The following CFAP54 variants were observed in gnomAD, a reference collection of about 807,000 sequenced individuals.
The protein encoded by CFAP54 is cilia- and flagella-associated protein 54.
CFAP54 carries 290 observed loss-of-function variants against 370.4 expected under a neutral mutation model. The ratio of observed to expected loss-of-function variants is 0.78; its 90% CI spans 0.71 to 0.86. CFAP54 has a LOEUF of 0.86. Among genes scored for constraint, CFAP54 ranks in the 40% least tolerant of loss-of-function variants. CFAP54 has a pLI of 0.00. For synonymous variants in CFAP54, 1,206 were observed against 1,236.5 expected, an observed-to-expected ratio of 0.98 and a Z score of 0.52; for missense variants, 3,399 against 3,528.7, an observed-to-expected ratio of 0.96 and a Z score of 0.93.
chr12:96,535,732 G>A (rs550178949), intron 12 of CFAP54, 132 bp downstream of exon 12: 31 of 518,790 alleles, frequency 6.0e-5, no homozygotes, highest in African/African-American at 5.8e-4. Flanking sequence ...TTAGCATATA[G>A]GATTAAGTTA....
chr12:96,508,546 A>G (rs1490715249), intron 4 of CFAP54, among the ~76,000 whole-genome samples: 1 of 150,934 alleles, frequency 6.6e-6, no homozygotes, highest in African/African-American at 2.4e-5. Context: ...TCCACCTCCC[A>G]AAGTGCTGGA....
chr12:96,824,170 T>C (rs2136746100), intron 65 of CFAP54, among the ~76,000 whole-genome samples: 1 of 152,284 alleles, frequency 6.6e-6, no homozygotes, highest in Middle Eastern at 3.4e-3. Context: ...GCTTTCTGGC[T>C]GGGACAGGCG....
Position 96,533,933 on chromosome 12 carries a change from T to G in CFAP54, c.1499T>G (p.Leu500Ter). Residue 500 changes from leucine (L) to a stop codon, truncating the protein, a stop_gained, in exon 10 of 68, where the codon TTA (leucine) becomes TGA (stop). Coordinates refer to ENST00000524981, the MANE Select transcript of CFAP54 (RefSeq NM_001306084.2). LOFTEE classifies it high-confidence loss of function. ...KLAFTYEEWS[L>*]FESSAVHLIY... ...GCTTTTACCTATGAGGAGTGGAGTT[T>G]ATTTGAATCTTCTGCTGTACATCTT... 6.5e-7 allele frequency: 1 copy of G among 1,531,900 alleles called. No homozygotes were observed. Among genetic ancestry groups the G allele is most frequent in the Non-Finnish European group, 8.7e-7 (1 of 1,145,644 alleles). The allele number at this position is 1,531,900 out of a possible 1,614,324, so 94.9% of individuals were successfully genotyped here.
At chr12:96,647,134 TA>T (rs1275934024) in intron 33 of CFAP54, 1 of 151,914 alleles carries the variant, frequency 6.6e-6, no homozygotes, top group African/African-American at 2.4e-5. Flanking sequence ...ATAAACTATT[TA>T]TTTTTTTTGA....
Position 96,795,761 on chromosome 12 carries a change from C to T in CFAP54, c.8850+3262C>T, listed in dbSNP as rs192924004. Among the ~76,000 whole-genome samples the T allele has an allele frequency of 4.5e-3, 689 of 152,256 alleles. 2 individuals are homozygous for T. Among genetic ancestry groups the T allele is most frequent in the African/African-American group, 0.014 (592 of 41,532 alleles). ...GGTTTCGAGCCCCTCTACTTCTGTG[C>T]TTGTGTCTGCACTCCCCATTTGCCC... On this transcript the variant is annotated intron_variant, in intron 63 of 67. Transcript: ENST00000524981.
intron 65 of CFAP54, among the ~76,000 whole-genome samples, chr12:96,823,122 CTGTG>C (rs10553724): frequency 2.1e-5 from 3 of 142,090 alleles, no homozygotes; most frequent in African/African-American, 7.7e-5. Context: ...GTGTGTTTGT[CTGTG>C]TGTGTGTGTG....
rs1186199734 is a variant in CFAP54, at chr12:96,742,361, CTTACA to C, written c.7072-70_7072-66del. The stretch of plus-strand genomic sequence containing the variant: ...GGAATGATACCAGATGCCTTTTAAA[CTTACA>C]TTACATTTAGTCTTAGGCTAGAACC... On this transcript the variant is annotated intron_variant, in intron 51 of 67. Coordinates refer to ENST00000524981, the MANE Select transcript of CFAP54 (RefSeq NM_001306084.2). 1.0e-5 allele frequency: 11 copies of C among 1,083,484 alleles called. No individual in the cohort carries two copies. The Admixed American group carries it at 1.2e-4, about 12-fold the overall frequency. The allele number at this position is 1,083,484 out of a possible 1,614,324, so 67.1% of individuals were successfully genotyped here.
intron 63 of CFAP54, among the ~76,000 whole-genome samples, chr12:96,797,110 G>A (rs569067379): frequency 1.3e-5 from 2 of 152,150 alleles, no homozygotes; most frequent in African/African-American, 2.4e-5. Context: ...TTTGACAAGT[G>A]TTTCTAAAAT....
In CFAP54 at chr12:96,553,665, C is replaced by T. The variant is rs376507823; in HGVS notation, c.2155-517C>T. On this transcript the variant is annotated intron_variant, in intron 15 of 67. Transcript: ENST00000524981. The stretch of plus-strand genomic sequence containing the variant: ...TTGAAAGTTTGGGCAAAGCTGGTTG[C>T]TCTTTACATTATTCTCTATATTTGT... Among the ~76,000 whole-genome samples, 8 of 150,898 alleles carry T rather than the reference C, an allele frequency of 5.3e-5. No individual in the cohort carries two copies. The East Asian group carries it at 1.2e-3, about 22-fold the overall frequency.
intron 39 of CFAP54, among the ~76,000 whole-genome samples, chr12:96,674,545 C>T (rs1259452376): frequency 6.6e-6 from 1 of 151,784 alleles, no homozygotes. Context: ...TGTAGACAGC[C>T]ACACCACCAC....
chr12:96,823,059 T>C (rs561638767), intron 65 of CFAP54, among the ~76,000 whole-genome samples: 65 of 152,322 alleles, frequency 4.3e-4, no homozygotes, highest in African/African-American at 1.5e-3. Context: ...GTGGGGTTAC[T>C]GATGCAAACT....
At chr12:96,768,456 C>G (rs1958424412) in intron 60 of CFAP54, among the ~76,000 whole-genome samples, 1 of 152,030 alleles carries the variant, frequency 6.6e-6, no homozygotes, top group Admixed American at 6.5e-5. Flanking sequence ...AGTTCAAGAC[C>G]AGCCTGGCCA....
At position 96,737,500 on chromosome 12, in the gene CFAP54, T is replaced by TG. The variant is rs1163765179; in HGVS notation, c.6966-2456_6966-2455insG. Reference sequence around the variant, plus strand: ...TTTTATATATATATATGTTTTGTTTTTTTTTTTGAGACAGAGTCTTGCCCT... The same window carrying TG: ...TTTTATATATATATATGTTTTGTTTTGTTTTTTTGAGACAGAGTCTTGCCCT... On this transcript the variant is annotated intron_variant, in intron 50 of 67. Transcript: ENST00000524981. Among the ~76,000 whole-genome samples the TG allele has an allele frequency of 3.4e-5, 5 of 148,968 alleles. No homozygotes were observed. The East Asian group carries it at 5.9e-4, about 17-fold the overall frequency.
intron 50 of CFAP54, among the ~76,000 whole-genome samples, chr12:96,737,203 C>T (rs543775670): frequency 1.3e-5 from 2 of 152,026 alleles, no homozygotes; most frequent in Non-Finnish European, 2.9e-5. Context: ...AGTGTCATGT[C>T]AGCACTCAAA....
intron 22 of CFAP54, among the ~76,000 whole-genome samples, chr12:96,582,874 T>C (rs1956044612): frequency 6.6e-6 from 1 of 152,208 alleles, no homozygotes; most frequent in South Asian, 2.1e-4. Context: ...GCTTTCTCAC[T>C]TATTAAACCT....
At chr12:96,638,205 ATGTGTGTGTGTGTGTGTGTGTGTGTGTG>A (rs756775917) in intron 32 of CFAP54, among the ~76,000 whole-genome samples, 1 of 122,614 alleles carries the variant, frequency 8.2e-6, no homozygotes, top group African/African-American at 3.1e-5. Context: ...ATATATATGC[ATGTGTGTGTGTGTGTGTGTGTGTGTGTG>A]TGTGTGTGTA....
At chr12:96,752,997 G>A (rs1418435081) in intron 55 of CFAP54, among the ~76,000 whole-genome samples, 2 of 152,158 alleles carry the variant, frequency 1.3e-5, no homozygotes, top group Non-Finnish European at 2.9e-5. Context: ...GGGATCATAT[G>A]AGTAATGCAT....
intron 60 of CFAP54, among the ~76,000 whole-genome samples, chr12:96,779,856 G>A (rs918558901): frequency 6.6e-6 from 1 of 151,898 alleles, no homozygotes; most frequent in Admixed American, 6.6e-5. Flanking sequence ...AGAGGAAAGG[G>A]CCCTCAGTGT....
At chr12:96,508,591 AT>A (rs755495094) in intron 4 of CFAP54, among the ~76,000 whole-genome samples, 3,140 of 119,490 alleles carry the variant, frequency 0.026, 55 homozygotes, top group African/African-American at 0.055. Context: ...CGGCCTCTCA[AT>A]TTTTTTTTTT....
Sources: allele counts gnomAD v4.1 joint callset (sites outside exome capture counted in the v4.1 genomes callset), GRCh38; gene constraint gnomAD v4.1.1; transcripts MANE v1.5; gene names NCBI Gene and HGNC (gene_info 2026-07-23, HGNC 2026-07-21).